Variants in EDA observed in about 807,000 individuals in gnomAD.
EDA encodes the protein ectodysplasin-A.
In EDA, 2 loss-of-function variants were observed where a neutral mutation model predicts 23.6. That is an observed-to-expected ratio of 0.08 (90% confidence interval 0.03 to 0.27). The LOEUF (loss-of-function observed/expected upper bound fraction) is 0.27, where lower values mean the gene tolerates loss of function less well. EDA is among the 10% of genes least tolerant of loss of function. The probability of loss-of-function intolerance (pLI) is 1.00; values close to 1 mark genes in which losing one functional copy is unlikely to be tolerated. For synonymous variants in EDA, 131 were observed against 132.0 expected (o/e 0.99, Z 0.05); for missense variants, 229 against 324.2 (o/e 0.71, Z 2.26).
chrX:69,784,808 GT>G (rs1333903751), intron 1 of EDA, among the ~76,000 whole-genome samples: 1 of 108,322 alleles, frequency 9.2e-6, no homozygotes, highest in Non-Finnish European at 1.9e-5. Flanking sequence ...CTTTAAAGTA[GT>G]TTTTTCCAGT....
At chrX:69,698,360 C>G (rs753983119) in intron 1 of EDA, among the ~76,000 whole-genome samples, 3 of 111,273 alleles carry the variant, frequency 2.7e-5, no homozygotes, top group Non-Finnish European at 5.7e-5. Flanking sequence ...AGTGTAGGGC[C>G]TGACCACTTC....
chrX:69,656,280 A>G (rs987969342), intron 1 of EDA, among the ~76,000 whole-genome samples: 4 of 111,264 alleles, frequency 3.6e-5, no homozygotes, highest in South Asian at 3.8e-4. Flanking sequence ...ATACTTTTCT[A>G]TTACTACTGC....
intron 1 of EDA, among the ~76,000 whole-genome samples, chrX:69,697,567 C>T (rs1385089929): frequency 1.8e-5 from 2 of 111,685 alleles, no homozygotes; most frequent in African/African-American, 6.5e-5. Flanking sequence ...GGGTTGGTGT[C>T]CATCGTGTCG....
chrX:69,773,671 G>A (rs2014699582), intron 1 of EDA, among the ~76,000 whole-genome samples: 1 of 111,263 alleles, frequency 9.0e-6, no homozygotes, highest in African/African-American at 3.3e-5. Context: ...TTCACCTAAT[G>A]ATTAGAGATG....
chrX:69,831,289 G>A (rs960053992), intron 1 of EDA, among the ~76,000 whole-genome samples: 4 of 111,825 alleles, frequency 3.6e-5, no homozygotes, highest in Non-Finnish European at 3.8e-5. Context: ...CCCCACCTAT[G>A]AGTGAGAAGA....
chrX:69,948,803 C>T (rs2018871951), intron 1 of EDA, among the ~76,000 whole-genome samples: 1 of 112,153 alleles, frequency 8.9e-6, no homozygotes, highest in Non-Finnish European at 1.9e-5. Flanking sequence ...ACAACACCAC[C>T]CTGAATGACC....
At chrX:69,685,428 A>G (rs770925799) in intron 1 of EDA, among the ~76,000 whole-genome samples, 5 of 111,779 alleles carry the variant, frequency 4.5e-5, no homozygotes, top group Non-Finnish European at 9.4e-5. Flanking sequence ...CCTTTATGAT[A>G]TAGAAACTAG....
intron 2 of EDA, among the ~76,000 whole-genome samples, chrX:69,961,128 C>T (rs1302455739): frequency 8.9e-6 from 1 of 111,858 alleles, no homozygotes; most frequent in Admixed American, 9.5e-5. Flanking sequence ...GTGCCCGCCA[C>T]AACACCCAGC....
intron 1 of EDA, among the ~76,000 whole-genome samples, chrX:69,654,542 C>T (rs1370139700): frequency 2.7e-5 from 3 of 111,787 alleles, no homozygotes; most frequent in Non-Finnish European, 3.8e-5. Context: ...GACTTGGAAC[C>T]AACCTAAATG....
chrX:69,628,666 C>T (rs1405792250), intron 1 of EDA, among the ~76,000 whole-genome samples: 1 of 111,206 alleles, frequency 9.0e-6, no homozygotes, highest in Admixed American at 9.6e-5. Flanking sequence ...AAAAGTAAAC[C>T]CTGGTTTCAT....
intron 1 of EDA, among the ~76,000 whole-genome samples, chrX:69,930,352 AC>A (rs1247426703): frequency 9.0e-6 from 1 of 111,434 alleles, no homozygotes; most frequent in Non-Finnish European, 1.9e-5. Flanking sequence ...TATCAGTTAT[AC>A]CCTTACTTTT....
At chrX:69,872,779 T>C (rs2017586368) in intron 1 of EDA, among the ~76,000 whole-genome samples, 1 of 109,322 alleles carries the variant, frequency 9.1e-6, no homozygotes, top group Admixed American at 9.8e-5. Flanking sequence ...AGAAATGAGA[T>C]ACACAGCAAC....
intron 2 of EDA, among the ~76,000 whole-genome samples, chrX:69,960,916 G>C (rs1044675325): frequency 3.7e-5 from 4 of 109,058 alleles, no homozygotes; most frequent in Non-Finnish European, 7.6e-5. Context: ...CTACTCAGGA[G>C]GCTGAGGTAG....
intron 1 of EDA, among the ~76,000 whole-genome samples, chrX:69,818,475 CTAAT>C (rs1339331213): frequency 3.6e-5 from 4 of 111,241 alleles, no homozygotes; most frequent in Non-Finnish European, 7.5e-5. Flanking sequence ...GCTAGCTAGA[CTAAT>C]AAAGAATAAA....
chrX:70,012,182 G>A (rs2019886659), intron 2 of EDA, among the ~76,000 whole-genome samples: 1 of 112,115 alleles, frequency 8.9e-6, no homozygotes, highest in East Asian at 2.8e-4. Context: ...GTTACAAATA[G>A]GGGGAATTGG....
At chrX:69,690,904 T>C (rs1934693913) in intron 1 of EDA, among the ~76,000 whole-genome samples, 1 of 112,026 alleles carries the variant, frequency 8.9e-6, no homozygotes, top group Non-Finnish European at 1.9e-5. Flanking sequence ...AGTTATATAA[T>C]TTGTATACAT....
At chrX:69,622,879 G>A (rs1602228033) in intron 1 of EDA, among the ~76,000 whole-genome samples, 1 of 111,512 alleles carries the variant, frequency 9.0e-6, no homozygotes, top group Non-Finnish European at 1.9e-5. Flanking sequence ...TGTATGCTAA[G>A]ATACAGAAAC....
chrX:70,012,000 C>T (rs2019883409), intron 2 of EDA, among the ~76,000 whole-genome samples: 1 of 111,220 alleles, frequency 9.0e-6, no homozygotes, highest in African/African-American at 3.3e-5. Flanking sequence ...CCTCCATGGC[C>T]CTGATTCCAT....
At chrX:69,828,875 T>G (rs1404416517) in intron 1 of EDA, among the ~76,000 whole-genome samples, 2 of 112,528 alleles carry the variant, frequency 1.8e-5, no homozygotes, top group Non-Finnish European at 3.7e-5. Context: ...TAGTGTACCC[T>G]TCAGTTCTTT....
Sources: allele counts gnomAD v4.1 joint callset (sites outside exome capture counted in the v4.1 genomes callset), GRCh38; gene constraint gnomAD v4.1.1; transcripts MANE v1.5; gene names NCBI Gene and HGNC (gene_info 2026-07-23, HGNC 2026-07-21).